Variants in CDC42SE2 observed in about 807,000 individuals in gnomAD.
CDC42SE2 encodes the protein CDC42 small effector 2.
A neutral mutation model predicts 11.5 loss-of-function variants in CDC42SE2; 3 were observed. The ratio of observed to expected loss-of-function variants is 0.26; its 90% CI spans 0.12 to 0.67. The LOEUF (loss-of-function observed/expected upper bound fraction) is 0.67. Among genes scored for constraint, CDC42SE2 ranks in the 30% least tolerant of loss-of-function variants. The pLI is 0.80. For missense variants in CDC42SE2, 82 were observed against 106.8 expected (o/e 0.77, Z 1.02); for synonymous variants, 33 against 34.8 (o/e 0.95, Z 0.18).
chr5:131,249,460 G>A (rs1756622756), intron 1 of CDC42SE2, among the ~76,000 whole-genome samples: 2 of 152,104 alleles, frequency 1.3e-5, no homozygotes, highest in African/African-American at 2.4e-5. Context: ...GGATATCTTA[G>A]AAACTGACCC....
At chr5:131,370,505 C>G (rs962432156) in intron 3 of CDC42SE2, among the ~76,000 whole-genome samples, 1 of 149,866 alleles carries the variant, frequency 6.7e-6, no homozygotes, top group Non-Finnish European at 1.5e-5. Flanking sequence ...TTCTCCCCAG[C>G]AGAGACAGGG....
the CDC42SE2 span, among the ~76,000 whole-genome samples, chr5:131,229,846 A>C: frequency 1.3e-5 from 2 of 152,196 alleles, no homozygotes; most frequent in South Asian, 4.1e-4. Flanking sequence ...AGGTGGGAAG[A>C]TCACTTGAGC....
At chr5:131,370,324 A>C (rs1415343964) in intron 3 of CDC42SE2, among the ~76,000 whole-genome samples, 6 of 152,202 alleles carry the variant, frequency 3.9e-5, no homozygotes, top group African/African-American at 4.8e-5. Context: ...TTTAAAATAA[A>C]TATGGCAAAT....
chr5:131,349,193 A>G (rs1018403779), intron 2 of CDC42SE2, among the ~76,000 whole-genome samples: 15 of 152,136 alleles, frequency 9.9e-5, no homozygotes, highest in Admixed American at 5.2e-4. Flanking sequence ...TATCCTTTGT[A>G]GCGACATGGA....
In CDC42SE2 at chr5:131,333,508, G is replaced by T. The variant is rs533421488; in HGVS notation, c.-286+17364G>T. ...GTTTTTTCCAATTCTGTGAAGAAAG[G>T]CATTGGTAGATTGATGGGGATGGCA... On this transcript the variant is annotated intron_variant, in intron 2 of 4. Transcript: ENST00000505065. Among the ~76,000 whole-genome samples the T allele has an allele frequency of 4.2e-3, 643 of 152,198 alleles. 4 individuals carry two copies. The highest frequency in any genetic ancestry group is 0.012 in the African/African-American group (499 of 41,524).
upstream of CDC42SE2, chr5:131,261,590 C>T (rs1756726736): frequency 6.6e-6 from 1 of 152,202 alleles, no homozygotes; most frequent in Non-Finnish European, 1.5e-5. Flanking sequence ...CCGTGGCTTA[C>T]ACCTGTAATC....
chr5:131,241,601 T>A (rs12055288), upstream of CDC42SE2, among the ~76,000 whole-genome samples: 2 of 152,278 alleles, frequency 1.3e-5, no homozygotes, highest in East Asian at 3.9e-4. Context: ...GAAAGTGAAT[T>A]GTCTTTCCCC....
intron 2 of CDC42SE2, among the ~76,000 whole-genome samples, chr5:131,334,144 A>G (rs1758495506): frequency 6.6e-6 from 1 of 152,098 alleles, no homozygotes; most frequent in African/African-American, 2.4e-5. Context: ...TCCCATCAAC[A>G]CCTAATTTAT....
At chr5:131,289,082 T>G (rs768821744) in intron 1 of CDC42SE2, among the ~76,000 whole-genome samples, 1 of 152,198 alleles carries the variant, frequency 6.6e-6, no homozygotes, top group African/African-American at 2.4e-5. Context: ...TTTTTCATCA[T>G]AAGTTTAAAA....
Position 131,385,637 on chromosome 5 carries a change from T to G in CDC42SE2, c.149T>G (p.Met50Arg). Residue 50 changes from methionine to arginine, a missense_variant, in exon 4 of 5, where the codon ATG (methionine) becomes AGG (arginine). Coordinates refer to ENST00000505065, the MANE Select transcript of CDC42SE2 (RefSeq NM_001375635.1). The stretch of plus-strand genomic sequence containing the variant: ...GGATCAGGAGACCTGTTCAGTGGAA[T>G]GAATTCAGTAAGTATGTTGGTGGGA... Reference protein sequence around the residue: ...HVGSGDLFSGMNSVSSIQNQM... With the variant: ...HVGSGDLFSGRNSVSSIQNQM... 6.2e-7 allele frequency: 1 copy of G among 1,606,156 alleles called. No homozygotes were observed. The highest frequency in any genetic ancestry group is 8.5e-7 in the Non-Finnish European group (1 of 1,173,054).
intron 1 of CDC42SE2, among the ~76,000 whole-genome samples, chr5:131,308,439 G>T (rs1757825606): frequency 6.6e-6 from 1 of 151,926 alleles, no homozygotes. Context: ...CTCTTTTTTG[G>T]TTCCATATGA....
chr5:131,381,718 TTAA>T (rs1750333050), intron 3 of CDC42SE2, among the ~76,000 whole-genome samples: 1 of 152,244 alleles, frequency 6.6e-6, no homozygotes, highest in African/African-American at 2.4e-5. Context: ...TTCACCAACA[TTAA>T]TAACTTATTT....
At chr5:131,366,388 CG>C (rs775201898) in intron 3 of CDC42SE2, among the ~76,000 whole-genome samples, 17 of 152,052 alleles carry the variant, frequency 1.1e-4, no homozygotes, top group Non-Finnish European at 2.1e-4. Flanking sequence ...TAGCATTCGG[CG>C]TGAGTTCAAG....
chr5:131,319,434 T>C (rs1301606510), intron 2 of CDC42SE2, among the ~76,000 whole-genome samples: 1 of 152,148 alleles, frequency 6.6e-6, no homozygotes, highest in Non-Finnish European at 1.5e-5. Flanking sequence ...TATATTGATA[T>C]CTAATATAGT....
chr5:131,336,638 A>C (rs1378074294), intron 2 of CDC42SE2, among the ~76,000 whole-genome samples: 3 of 152,286 alleles, frequency 2.0e-5, no homozygotes, highest in Admixed American at 2.0e-4. Context: ...CTTTTCACAT[A>C]GTCCCATATT....
intron 1 of CDC42SE2, among the ~76,000 whole-genome samples, chr5:131,314,233 C>CA (rs1757992256): frequency 7.3e-6 from 1 of 137,130 alleles, no homozygotes; most frequent in Non-Finnish European, 1.6e-5. Flanking sequence ...AATGATTGTC[C>CA]TTTTTTTTTT....
chr5:131,262,371 A>T (rs1346751727), upstream of CDC42SE2, among the ~76,000 whole-genome samples: 3 of 152,172 alleles, frequency 2.0e-5, no homozygotes, highest in Non-Finnish European at 4.4e-5. Flanking sequence ...GTAGATAAAG[A>T]TCTTATGGTT....
intron 3 of CDC42SE2, among the ~76,000 whole-genome samples, chr5:131,368,867 C>T (rs1053533369): frequency 6.6e-6 from 1 of 152,144 alleles, no homozygotes; most frequent in Non-Finnish European, 1.5e-5. Context: ...AACATAACCA[C>T]AATACCATTA....
intron 2 of CDC42SE2, among the ~76,000 whole-genome samples, chr5:131,343,588 T>C (rs1303827535): frequency 1.3e-5 from 2 of 152,020 alleles, no homozygotes; most frequent in African/African-American, 2.4e-5. Flanking sequence ...GGTGCATGCC[T>C]ATAATCCTAG....
Sources: allele counts gnomAD v4.1 joint callset (sites outside exome capture counted in the v4.1 genomes callset), GRCh38; gene constraint gnomAD v4.1.1; transcripts MANE v1.5; gene names NCBI Gene and HGNC (gene_info 2026-07-23, HGNC 2026-07-21).